ADARB2: variants seen among roughly 807,000 people sequenced by gnomAD.
ADARB2 encodes the protein inactive double-stranded RNA-specific editase B2.
A neutral mutation model predicts 62.2 loss-of-function variants in ADARB2; 25 were observed. The ratio of observed to expected loss-of-function variants is 0.40; its 90% CI spans 0.29 to 0.56. The LOEUF is 0.56. Among genes scored for constraint, ADARB2 ranks in the 20% least tolerant of loss-of-function variants. The pLI is 0.43. For missense variants in ADARB2, 1,071 were observed against 1,077.4 expected, an observed-to-expected ratio of 0.99 and a Z score of 0.08; for synonymous variants, 572 against 500.8, an observed-to-expected ratio of 1.14 and a Z score of -1.90.
At chr10:1,633,592 C>CTATA (rs774382782) in intron 1 of ADARB2, among the ~76,000 whole-genome samples, 1 of 105,302 alleles carries the variant, frequency 9.5e-6, no homozygotes, top group Admixed American at 9.9e-5. Context: ...ATCTATCTAT[C>CTATA]TATCTATCTA....
chr10:1,432,139 T>C (rs1830782427), intron 1 of ADARB2, among the ~76,000 whole-genome samples: 1 of 152,200 alleles, frequency 6.6e-6, no homozygotes, highest in South Asian at 2.1e-4. Flanking sequence ...ACTATGTTAC[T>C]TATTTTATGT....
intron 1 of ADARB2, among the ~76,000 whole-genome samples, chr10:1,453,688 C>T (rs1200828537): frequency 6.6e-6 from 1 of 152,144 alleles, no homozygotes; most frequent in Non-Finnish European, 1.5e-5. Flanking sequence ...AAAATAGGCA[C>T]AAGACTTGAA....
chr10:1,246,941 G>C (rs544164626), intron 4 of ADARB2, among the ~76,000 whole-genome samples: 2 of 151,944 alleles, frequency 1.3e-5, no homozygotes, highest in African/African-American at 2.4e-5. Flanking sequence ...CCATTTTCAC[G>C]ATATTGATTC....
chr10:1,639,448 T>C (rs1270812463), intron 1 of ADARB2, among the ~76,000 whole-genome samples: 1 of 152,238 alleles, frequency 6.6e-6, no homozygotes, highest in Non-Finnish European at 1.5e-5. Flanking sequence ...TGTTTCTCCC[T>C]GGCTGGCCCA....
intron 1 of ADARB2, among the ~76,000 whole-genome samples, chr10:1,725,998 G>T (rs544755589): frequency 6.6e-6 from 1 of 152,224 alleles, no homozygotes; most frequent in Non-Finnish European, 1.5e-5. Context: ...ACAGTATACA[G>T]CATTCAATCT....
chr10:1,695,685 CATGA>C (rs544157325), intron 1 of ADARB2, among the ~76,000 whole-genome samples: 143 of 152,160 alleles, frequency 9.4e-4, no homozygotes, highest in Middle Eastern at 3.4e-3. Context: ...ATGCAAGAAA[CATGA>C]ATGTGTGTGC....
chr10:1,531,703 G>A (rs887018890), intron 1 of ADARB2, among the ~76,000 whole-genome samples: 5 of 152,180 alleles, frequency 3.3e-5, no homozygotes, highest in African/African-American at 9.7e-5. Context: ...TGGATGTGGT[G>A]TCAAATGCCT....
chr10:1,199,219 C>A (rs551934510), intron 8 of ADARB2, among the ~76,000 whole-genome samples: 2 of 148,518 alleles, frequency 1.3e-5, no homozygotes, highest in Non-Finnish European at 1.5e-5. Flanking sequence ...AACCCACCCC[C>A]CCGCTTCCCG....
intron 1 of ADARB2, among the ~76,000 whole-genome samples, chr10:1,603,202 C>A (rs896256190): frequency 6.6e-6 from 1 of 152,044 alleles, no homozygotes; most frequent in African/African-American, 2.4e-5. Flanking sequence ...CACATGTGGC[C>A]GGGGTGGAGC....
intron 5 of ADARB2, among the ~76,000 whole-genome samples, chr10:1,234,808 G>C (rs975318331): frequency 6.2e-5 from 8 of 128,264 alleles, no homozygotes; most frequent in African/African-American, 2.0e-4. Flanking sequence ...CAGTGCAGTG[G>C]TGCAATCTTG....
At chr10:1,311,667 A>G (rs1315723516) in intron 3 of ADARB2, among the ~76,000 whole-genome samples, 1 of 151,604 alleles carries the variant, frequency 6.6e-6, no homozygotes. Flanking sequence ...AAGCTCCTCA[A>G]CCCTCCCCTC....
intron 1 of ADARB2, among the ~76,000 whole-genome samples, chr10:1,645,070 A>G (rs1834023146): frequency 6.6e-6 from 1 of 152,256 alleles, no homozygotes; most frequent in Non-Finnish European, 1.5e-5. Context: ...ATGCCAACGC[A>G]TGGAAAACTG....
intron 1 of ADARB2, among the ~76,000 whole-genome samples, chr10:1,470,648 T>G (rs1831309388): frequency 6.6e-6 from 1 of 152,216 alleles, no homozygotes; most frequent in East Asian, 1.9e-4. Flanking sequence ...ATTTTATGAC[T>G]CATGTAGTGT....
chr10:1,512,051 T>C lies in ADARB2; in HGVS notation c.101-132891A>G, dbSNP rs114666141. Among the ~76,000 whole-genome samples the C allele has an allele frequency of 6.5e-3, 996 of 152,072 alleles. 9 individuals carry two copies. The highest frequency in any genetic ancestry group is 0.021 in the African/African-American group (862 of 41,440). The stretch of plus-strand genomic sequence containing the variant: ...GCTGTCTACACTGGATGTCAAGACA[T>C]GGATGCTGTCTACACTGTATACCAA... On this transcript the variant is annotated intron_variant, in intron 1 of 9. Coordinates refer to ENST00000381312, the MANE Select transcript of ADARB2 (RefSeq NM_018702.4).
chr10:1,722,444 A>G (rs975453604), intron 1 of ADARB2, among the ~76,000 whole-genome samples: 2 of 152,252 alleles, frequency 1.3e-5, no homozygotes, highest in Non-Finnish European at 2.9e-5. Context: ...GGATGAAAGT[A>G]TCCTCTACAC....
At chr10:1,658,066 CTG>C (rs1834194719) in intron 1 of ADARB2, among the ~76,000 whole-genome samples, 1 of 151,694 alleles carries the variant, frequency 6.6e-6, no homozygotes, top group South Asian at 2.1e-4. Context: ...CTGTCTCTCT[CTG>C]TGTCTCTGTG....
At chr10:1,471,354 TG>T (rs1831319792) in intron 1 of ADARB2, among the ~76,000 whole-genome samples, 1 of 151,842 alleles carries the variant, frequency 6.6e-6, no homozygotes. Flanking sequence ...TTTTATTTGG[TG>T]GGGGGCCGGG....
intron 1 of ADARB2, among the ~76,000 whole-genome samples, chr10:1,638,208 T>C (rs916997134): frequency 3.9e-5 from 6 of 152,210 alleles, no homozygotes; most frequent in African/African-American, 1.4e-4. Flanking sequence ...GATGCAGATA[T>C]TACACTTCAA....
chr10:1,601,019 G>T (rs1364197886), intron 1 of ADARB2, among the ~76,000 whole-genome samples: 1 of 152,204 alleles, frequency 6.6e-6, no homozygotes, highest in East Asian at 1.9e-4. Context: ...AGAGGCTGAT[G>T]CTACGTCTAA....
Sources: gnomAD v4.1 joint callset for allele counts (sites outside exome capture counted in the v4.1 genomes callset) on GRCh38, gnomAD v4.1.1 for gene constraint, MANE v1.5 for transcripts, NCBI Gene and HGNC (gene_info 2026-07-23, HGNC 2026-07-21) for gene names.